DOCK1: variants seen among roughly 807,000 people sequenced by gnomAD.
DOCK1 encodes dedicator of cytokinesis 1, also known as dedicator of cytokinesis protein 1.
In DOCK1, 138 loss-of-function variants were observed where a neutral mutation model predicts 262.7. The observed-to-expected ratio is 0.53, with a 90% CI of 0.46 to 0.61. The LOEUF is 0.61. Ranked by LOEUF, DOCK1 falls within the 20% of genes least tolerant of loss-of-function variation. The pLI is 0.00. For synonymous variants in DOCK1, 866 were observed against 867.4 expected (o/e 1.00, Z 0.03); for missense variants, 1,908 against 2,370.7 (o/e 0.80, Z 4.05).
intron 46 of DOCK1, among the ~76,000 whole-genome samples, chr10:127,423,981 G>A (rs1278236923): frequency 1.3e-5 from 2 of 152,186 alleles, no homozygotes; most frequent in Non-Finnish European, 2.9e-5. Context: ...GGGCTCTGGA[G>A]GTGGGGTTCA....
At chr10:127,310,562 T>G (rs569201389) in intron 29 of DOCK1, among the ~76,000 whole-genome samples, 1 of 152,188 alleles carries the variant, frequency 6.6e-6, no homozygotes, top group South Asian at 2.1e-4. Flanking sequence ...AGGGAGGGAG[T>G]AATTTGTAAC....
chr10:126,913,647 A>G (rs1302891254), intron 1 of DOCK1, among the ~76,000 whole-genome samples: 1 of 152,226 alleles, frequency 6.6e-6, no homozygotes, highest in African/African-American at 2.4e-5. Flanking sequence ...GCAGTTATCC[A>G]CATGCCCACA....
chr10:126,918,460 A>G (rs2032773153), intron 1 of DOCK1, among the ~76,000 whole-genome samples: 1 of 152,238 alleles, frequency 6.6e-6, no homozygotes, highest in East Asian at 1.9e-4. Flanking sequence ...GACCTGGGTC[A>G]TGTCAGCACA....
intron 29 of DOCK1, among the ~76,000 whole-genome samples, chr10:127,304,914 C>G (rs1012020875): frequency 1.3e-5 from 2 of 152,150 alleles, no homozygotes; most frequent in African/African-American, 4.8e-5. Context: ...CAAAAAAACT[C>G]ACATAAGTGT....
rs1425031527 is a variant in DOCK1 at position 127,437,053 on chromosome 10, G to A, written c.5061-1974G>A. ...TATCGCATTGTTTAATTCGCGTCTCGATTCTCCATATTCCCTGCATATTGG... is the reference window on the plus strand; with the variant it reads ...TATCGCATTGTTTAATTCGCGTCTCAATTCTCCATATTCCCTGCATATTGG... On this transcript the variant is annotated intron_variant, in intron 48 of 51. Coordinates refer to ENST00000623213, the MANE Select transcript of DOCK1 (RefSeq NM_001290223.2). The surrounding 1 kb of genome is among the most constrained non-coding windows in gnomAD (Gnocchi z 4.4). Among the ~76,000 whole-genome samples the A allele has an allele frequency of 3.3e-5, 5 of 152,162 alleles. No individual in the cohort carries two copies. The highest frequency in any genetic ancestry group is 7.2e-5 in the African/African-American group (3 of 41,510).
chr10:127,113,819 C>T (rs2049011453), intron 25 of DOCK1, among the ~76,000 whole-genome samples: 1 of 152,138 alleles, frequency 6.6e-6, no homozygotes, highest in African/African-American at 2.4e-5. Flanking sequence ...CTTCCTCTGC[C>T]CTTCTGTTCT....
chr10:127,450,893 G>T (rs1289288714), intron 51 of DOCK1, among the ~76,000 whole-genome samples: 2 of 152,116 alleles, frequency 1.3e-5, no homozygotes, highest in Non-Finnish European at 2.9e-5. Context: ...CTGCCAAAAA[G>T]CTGGAAATAT....
At chr10:127,013,015 TA>T (rs1405580161) in intron 12 of DOCK1, among the ~76,000 whole-genome samples, 2 of 152,208 alleles carry the variant, frequency 1.3e-5, no homozygotes, top group African/African-American at 4.8e-5. Context: ...AGACTGCCCG[TA>T]AACGCGGTAG....
chr10:127,281,808 G>A (rs183190218), intron 29 of DOCK1, among the ~76,000 whole-genome samples: 68 of 152,256 alleles, frequency 4.5e-4, no homozygotes, highest in Admixed American at 1.6e-3. Context: ...ATTCAGATGA[G>A]TAGATGCTGA....
chr10:126,978,328 A>T (rs1452959312), intron 3 of DOCK1, among the ~76,000 whole-genome samples: 1 of 152,168 alleles, frequency 6.6e-6, no homozygotes, highest in Non-Finnish European at 1.5e-5. Context: ...TATTTCTCAC[A>T]GTTGTCAATC....
chr10:127,022,194 G>T (rs2042481739), intron 13 of DOCK1, among the ~76,000 whole-genome samples: 1 of 151,794 alleles, frequency 6.6e-6, no homozygotes, highest in African/African-American at 2.4e-5. Flanking sequence ...GGTCTGTTTT[G>T]TTCTTCTCTC....
intron 38 of DOCK1, among the ~76,000 whole-genome samples, chr10:127,389,118 G>A (rs2066313573): frequency 6.6e-6 from 1 of 152,208 alleles, no homozygotes; most frequent in African/African-American, 2.4e-5. Context: ...CCCTGCAGGA[G>A]AAGCAGCCTG....
intron 15 of DOCK1, chr10:127,025,072 A>G (rs1016794004): frequency 1.2e-5 from 3 of 242,728 alleles, no homozygotes; most frequent in Middle Eastern, 1.5e-3. Context: ...TATGTGTGGC[A>G]TGCTGTCTTT....
intron 38 of DOCK1, among the ~76,000 whole-genome samples, chr10:127,396,567 C>A (rs983479467): frequency 7.2e-5 from 11 of 152,158 alleles, no homozygotes; most frequent in Admixed American, 3.9e-4. Flanking sequence ...GGAGTCCACT[C>A]CCTCACCAGT....
At chr10:127,167,713 A>G (rs1473343997) in intron 27 of DOCK1, among the ~76,000 whole-genome samples, 1 of 152,122 alleles carries the variant, frequency 6.6e-6, no homozygotes, top group East Asian at 1.9e-4. Flanking sequence ...CTGACGCTAC[A>G]TCAGCTCCCC....
At chr10:126,905,775 G>T (rs2030638298) in intron 1 of DOCK1, among the ~76,000 whole-genome samples, 1 of 150,788 alleles carries the variant, frequency 6.6e-6, no homozygotes, top group Admixed American at 6.6e-5. Context: ...CGGGGATGCG[G>T]GTCGGGAACA....
intron 31 of DOCK1, among the ~76,000 whole-genome samples, chr10:127,347,487 G>A (rs11017454): frequency 0.034 from 5,197 of 152,294 alleles, 110 homozygotes; most frequent in Non-Finnish European, 0.049. Flanking sequence ...GTTTGCCACG[G>A]GACATCGAGT....
At chr10:126,978,379 C>T (rs2038707373) in intron 3 of DOCK1, among the ~76,000 whole-genome samples, 1 of 152,162 alleles carries the variant, frequency 6.6e-6, no homozygotes, top group Non-Finnish European at 1.5e-5. Context: ...TTTGCAAGCT[C>T]ATGCATGCTG....
chr10:127,015,550 G>A (rs1364027777), intron 12 of DOCK1, among the ~76,000 whole-genome samples: 2 of 151,780 alleles, frequency 1.3e-5, no homozygotes, highest in African/African-American at 2.4e-5. Context: ...TGCCTGGAGC[G>A]AGCGGGTCTT....
Sources: gnomAD v4.1 joint callset for allele counts (sites outside exome capture counted in the v4.1 genomes callset) on GRCh38, gnomAD v4.1.1 for gene constraint, Gnocchi (gnomAD v3.1) non-coding constraint, MANE v1.5 for transcripts, NCBI Gene and HGNC (gene_info 2026-07-23, HGNC 2026-07-21) for gene names.